LGMN: variants seen among roughly 807,000 people sequenced by gnomAD.
The protein encoded by LGMN is legumain.
In LGMN, 36 loss-of-function variants were observed where a neutral mutation model predicts 56.8. That is an observed-to-expected ratio of 0.63 (90% confidence interval 0.49 to 0.84). The LOEUF (loss-of-function observed/expected upper bound fraction) is 0.84. Ranked by LOEUF, LGMN falls within the 40% of genes least tolerant of loss-of-function variation. The pLI is 0.00. For synonymous variants in LGMN, 199 were observed against 210.1 expected (o/e 0.95, Z 0.46); for missense variants, 446 against 556.1 (o/e 0.80, Z 1.99).
chr14:92,706,545 T>C lies in LGMN; in HGVS notation c.1129A>G (p.Ser377Gly). ...LSERAPLTGHSCYPEALLHFR... is the reference protein window; with the variant it reads ...LSERAPLTGHGCYPEALLHFR... Reference sequence around the variant, plus strand: ...TGCAGCAGGGCCTCTGGGTAGCAGCTGTGCCCCGTGAGCGGGGCTCTCTCG... The same window carrying C: ...TGCAGCAGGGCCTCTGGGTAGCAGCCGTGCCCCGTGAGCGGGGCTCTCTCG... Residue 377 changes from serine to glycine, a missense_variant, in exon 12 of 14, where the codon AGC (serine) becomes GGC (glycine). Transcript: ENST00000334869. The C allele has an allele frequency of 6.2e-6, 10 of 1,602,066 alleles. No homozygotes were observed. The highest frequency in any genetic ancestry group is 8.5e-6 in the Non-Finnish European group (10 of 1,170,398).
intron 2 of LGMN, among the ~76,000 whole-genome samples, chr14:92,719,302 ACCGCCGCCACCGCCGCCG>A (rs1566924558): frequency 1.2e-4 from 5 of 43,246 alleles, no homozygotes; most frequent in Admixed American, 2.1e-4. Context: ...CGCCGCCGCC[ACCGCCGCCACCGCCGCCG>A]CCGCCACCGC....
intron 2 of LGMN, chr14:92,732,312 A>G (rs991845004): frequency 3.9e-6 from 1 of 257,994 alleles, no homozygotes; most frequent in African/African-American, 2.2e-5. Context: ...TAAACCTCAA[A>G]TGCACAAGAC....
At position 92,704,178 on chromosome 14, in the gene LGMN, A is replaced by T. The variant is rs1300016938; in HGVS notation, c.*141T>A. The T allele has an allele frequency of 1.0e-6, 1 of 976,284 alleles. No individual in the cohort carries two copies. The highest frequency in any genetic ancestry group is 1.8e-5 in the Admixed American group (1 of 56,202). The allele number at this position is 976,284 out of a possible 1,614,324, so 60.5% of individuals were successfully genotyped here. Reference sequence around the variant, plus strand: ...CAGCGAGCAAGTCATCTTGTGAAGAAGGTCCTGGAGCGAGCCCTGGAGCGG... The same window carrying T: ...CAGCGAGCAAGTCATCTTGTGAAGATGGTCCTGGAGCGAGCCCTGGAGCGG... On this transcript the variant is annotated 3_prime_UTR_variant, in exon 14 of 14. Coordinates refer to ENST00000334869, the MANE Select transcript of LGMN (RefSeq NM_005606.7).
At chr14:92,719,206 A>ACCACCG (rs1351528786) in intron 2 of LGMN, among the ~76,000 whole-genome samples, 1 of 117,130 alleles carries the variant, frequency 8.5e-6, no homozygotes, top group African/African-American at 3.5e-5. Flanking sequence ...CACCAACACC[A>ACCACCG]CCACCGCCAC....
At chr14:92,731,679 T>C (rs1000927216) in intron 2 of LGMN, among the ~76,000 whole-genome samples, 1 of 152,260 alleles carries the variant, frequency 6.6e-6, no homozygotes, top group African/African-American at 2.4e-5. Flanking sequence ...AATCACATTG[T>C]GTTTCTCCAT....
intron 3 of LGMN, 64 bp from the exon 4 acceptor site, chr14:92,717,525 CA>C: frequency 8.2e-7 from 1 of 1,215,000 alleles, no homozygotes; most frequent in South Asian, 1.2e-5. Flanking sequence ...TCTCTTCAAA[CA>C]CATGTATGTT....
In LGMN at chr14:92,719,213, CCACCAA is replaced by C. The variant is rs1442934174; in HGVS notation, c.139-375_139-370del. ...ACCACCGCCACCAACACCACCACCGCCACCAACACCACCACCGCCACCGCCACCACC... is the reference window on the plus strand; with the variant it reads ...ACCACCGCCACCAACACCACCACCGCCACCACCACCGCCACCGCCACCACC... On this transcript the variant is annotated intron_variant, in intron 2 of 13. Transcript: ENST00000334869. Among the ~76,000 whole-genome samples, 326 of 132,198 alleles carry C rather than the reference CCACCAA, an allele frequency of 2.5e-3. 20 individuals carry two copies. Among genetic ancestry groups the C allele is most frequent in the African/African-American group, 9.7e-3 (303 of 31,120 alleles). The allele number at this position is 132,198 out of a possible 152,430, so 86.7% of individuals were successfully genotyped here. A position where few individuals can be genotyped will look rare whatever the true frequency, so the allele number is the denominator to read the frequency against.
intron 2 of LGMN, among the ~76,000 whole-genome samples, chr14:92,722,557 C>T (rs1223542695): frequency 6.6e-6 from 1 of 152,062 alleles, no homozygotes; most frequent in African/African-American, 2.4e-5. Flanking sequence ...GCACTCCAGC[C>T]TGGGCGACAG....
At chr14:92,717,531 T>C (rs1890131276) in intron 3 of LGMN, 70 bp from the exon 4 acceptor site, 8 of 1,130,966 alleles carry the variant, frequency 7.1e-6, no homozygotes, top group East Asian at 2.4e-5. Context: ...CAAACACATG[T>C]ATGTTATGCG....
intron 11 of LGMN, among the ~76,000 whole-genome samples, chr14:92,709,194 G>A (rs945553571): frequency 1.3e-5 from 2 of 151,684 alleles, no homozygotes; most frequent in Non-Finnish European, 2.9e-5. Context: ...TTTAAGAGAA[G>A]GGGTTTTGCT....
At chr14:92,737,292 T>C (rs749079937) in intron 1 of LGMN, among the ~76,000 whole-genome samples, 1 of 152,112 alleles carries the variant, frequency 6.6e-6, no homozygotes, top group Non-Finnish European at 1.5e-5. Context: ...AAATATAGCC[T>C]TTTACCCGCC....
intron 11 of LGMN, among the ~76,000 whole-genome samples, chr14:92,707,506 C>T (rs1038290961): frequency 6.6e-6 from 1 of 152,166 alleles, no homozygotes; most frequent in African/African-American, 2.4e-5. Context: ...CAGCGCCCGA[C>T]GGCGAAAGCA....
chr14:92,748,503 CGTGGTGGCA>C lies in LGMN; in HGVS notation c.-53_-45del, dbSNP rs992742718. 6.9e-4 allele frequency: 107 copies of C among 155,906 alleles called. No individual in the cohort carries two copies. Among genetic ancestry groups the C allele is most frequent in the African/African-American group, 2.5e-3 (104 of 41,622 alleles). 9.7% of individuals were successfully genotyped at this position (155,906 alleles called of 1,614,324 possible). On this transcript the variant is annotated 5_prime_UTR_variant, in exon 1 of 14. Transcript: ENST00000334869. ...CTCGCGGTTACCTGTGGCAGGCGAC[CGTGGTGGCA>C]GTGGTGGCGGCGGCGGCGGTGAGTG...
intron 3 of LGMN, 135 bp from the exon 4 acceptor site, chr14:92,717,596 G>T: frequency 1.6e-6 from 1 of 609,058 alleles, no homozygotes; most frequent in Non-Finnish European, 3.0e-6. Context: ...CCTGCAGGGT[G>T]GCCAACGTGT....
intron 5 of LGMN, chr14:92,715,818 C>A (rs529256341): frequency 0.011 from 2,200 of 196,904 alleles, 61 homozygotes; most frequent in African/African-American, 0.048. Context: ...TTCACACCTG[C>A]CTCAGGGGCT....
Position 92,743,539 on chromosome 14 carries a change from C to T in LGMN, c.-30+4950G>A, listed in dbSNP as rs115583085. Among the ~76,000 whole-genome samples, 1,072 of 151,586 alleles carry T rather than the reference C, an allele frequency of 7.1e-3. 8 individuals are homozygous for T. The highest frequency in any genetic ancestry group is 0.025 in the African/African-American group (1,027 of 41,330). On this transcript the variant is annotated intron_variant, in intron 1 of 13. Coordinates refer to ENST00000334869, the MANE Select transcript of LGMN (RefSeq NM_005606.7). ...AATCCAGGCCTGGTGTGGTGGCTTG[C>T]GCCTGTAATTCGAACACTTTGAGAG...
intron 2 of LGMN, 42 bp from the exon 3 acceptor site, chr14:92,718,886 A>C (rs1021067807): frequency 8.0e-6 from 12 of 1,509,240 alleles, no homozygotes; most frequent in South Asian, 1.1e-5. Flanking sequence ...CTTGCCTGGG[A>C]GGCCAATTTT....
At chr14:92,731,445 C>T (rs1283694818) in intron 2 of LGMN, among the ~76,000 whole-genome samples, 5 of 152,190 alleles carry the variant, frequency 3.3e-5, no homozygotes, top group Non-Finnish European at 5.9e-5. Flanking sequence ...CCATGTCCAT[C>T]GGCAATTACT....
At chr14:92,738,340 G>A (rs897926740) in intron 1 of LGMN, among the ~76,000 whole-genome samples, 59 of 150,836 alleles carry the variant, frequency 3.9e-4, no homozygotes, top group African/African-American at 1.1e-3. Flanking sequence ...GTGCAGTGGC[G>A]CTATCTCGGC....
Sources: gnomAD v4.1 joint callset for allele counts (sites outside exome capture counted in the v4.1 genomes callset) on GRCh38, gnomAD v4.1.1 for gene constraint, MANE v1.5 for transcripts, NCBI Gene and HGNC (gene_info 2026-07-23, HGNC 2026-07-21) for gene names.